Variants in STK32B observed in about 807,000 individuals in gnomAD.
STK32B encodes the protein serine/threonine kinase 32B, also known as serine/threonine-protein kinase 32B.
A neutral mutation model predicts 52.6 loss-of-function variants in STK32B; 43 were observed. That is an observed-to-expected ratio of 0.82 (90% CI 0.64 to 1.05). The LOEUF (loss-of-function observed/expected upper bound fraction) is 1.05, where lower values mean the gene tolerates loss of function less well. Among genes scored for constraint, STK32B ranks in the 50% least tolerant of loss-of-function variants. The pLI is 0.00. For missense variants in STK32B, 621 were observed against 534.6 expected (o/e 1.16, Z -1.59); for synonymous variants, 238 against 204.3 (o/e 1.17, Z -1.41).
chr4:5,324,574 G>A (rs968558975), intron 3 of STK32B, among the ~76,000 whole-genome samples: 7 of 152,148 alleles, frequency 4.6e-5, no homozygotes, highest in Admixed American at 6.5e-5. Flanking sequence ...GGTGGAGGCC[G>A]TCCTGTGCAT....
At chr4:5,196,181 C>T (rs1362911066) in intron 3 of STK32B, among the ~76,000 whole-genome samples, 1 of 152,096 alleles carries the variant, frequency 6.6e-6, no homozygotes, top group Non-Finnish European at 1.5e-5. Flanking sequence ...GTTCCACAGG[C>T]ACCTGGGATC....
intron 4 of STK32B, among the ~76,000 whole-genome samples, chr4:5,358,322 A>T (rs1734310958): frequency 6.6e-6 from 1 of 152,202 alleles, no homozygotes; most frequent in African/African-American, 2.4e-5. Context: ...GGATCCAATA[A>T]ATTAGAAACT....
At chr4:5,098,622 G>A (rs1459944020) in intron 1 of STK32B, among the ~76,000 whole-genome samples, 1 of 152,330 alleles carries the variant, frequency 6.6e-6, no homozygotes, top group East Asian at 1.9e-4. Context: ...TTCTCAAGGT[G>A]AAATCACTAC....
chr4:5,198,630 G>A (rs1329298620), intron 3 of STK32B, among the ~76,000 whole-genome samples: 4 of 152,104 alleles, frequency 2.6e-5, no homozygotes, highest in African/African-American at 4.8e-5. Flanking sequence ...TTAGGCCCAC[G>A]GCCCACATGG....
intron 2 of STK32B, chr4:5,140,305 T>A: frequency 7.6e-7 from 1 of 1,315,274 alleles, no homozygotes; most frequent in Admixed American, 2.3e-5. Flanking sequence ...TTTGTTGTTT[T>A]GGTAAGTTCA....
intron 3 of STK32B, among the ~76,000 whole-genome samples, chr4:5,186,391 T>C (rs1227475229): frequency 6.6e-6 from 1 of 152,138 alleles, no homozygotes; most frequent in African/African-American, 2.4e-5. Context: ...ATTTATGTAG[T>C]GCTGTTAAGG....
At chr4:5,301,101 G>A (rs866080839) in intron 3 of STK32B, among the ~76,000 whole-genome samples, 1 of 151,912 alleles carries the variant, frequency 6.6e-6, no homozygotes, top group African/African-American at 2.4e-5. Flanking sequence ...TCGTATGTTA[G>A]ACCAACCTTG....
rs1716944462 is a variant in STK32B at position 5,460,447 on chromosome 4, C to T, written c.909+219C>T. Among the ~76,000 whole-genome samples the T allele has an allele frequency of 6.6e-6, 1 of 152,198 alleles. No individual in the cohort carries two copies. The highest frequency in any genetic ancestry group is 2.1e-4 in the South Asian group (1 of 4,826). ...CCTTGTGGTAGGTCCTTTGGGGGTG[C>T]CAAGCCTTCTCTCTGTCACTGAATC... is the stretch of plus-strand genomic sequence containing the variant. On this transcript the variant is annotated intron_variant, in intron 9 of 11. Transcript: ENST00000282908. The surrounding 1 kb of genome is among the most constrained non-coding windows in gnomAD (Gnocchi z 4.8).
intron 1 of STK32B, among the ~76,000 whole-genome samples, chr4:5,092,848 T>G (rs1038270957): frequency 6.6e-6 from 1 of 152,160 alleles, no homozygotes; most frequent in African/African-American, 2.4e-5. Flanking sequence ...GAATTTCAAT[T>G]TGACATGCGA....
the STK32B span, among the ~76,000 whole-genome samples, chr4:5,042,834 C>A: frequency 6.6e-6 from 1 of 152,102 alleles, no homozygotes; most frequent in African/African-American, 2.4e-5. Flanking sequence ...GGGCCGGGCG[C>A]GGTGGCTCAC....
intron 2 of STK32B, among the ~76,000 whole-genome samples, chr4:5,148,044 A>G (rs1413019144): frequency 6.6e-6 from 1 of 151,864 alleles, no homozygotes; most frequent in Non-Finnish European, 1.5e-5. Context: ...TCTTTCTAGT[A>G]AGGCTTTTGA....
chr4:5,153,555 G>A (rs773359745), intron 2 of STK32B, among the ~76,000 whole-genome samples: 6 of 150,218 alleles, frequency 4.0e-5, no homozygotes, highest in Non-Finnish European at 7.4e-5. Context: ...GAACTCTCTC[G>A]ACCTGATAAA....
intron 3 of STK32B, among the ~76,000 whole-genome samples, chr4:5,241,831 G>A (rs766666784): frequency 6.6e-6 from 1 of 152,094 alleles, no homozygotes; most frequent in Non-Finnish European, 1.5e-5. Flanking sequence ...GCGGTGTTTG[G>A]TTTTTTGTCC....
intron 3 of STK32B, among the ~76,000 whole-genome samples, chr4:5,319,436 A>G (rs1400898441): frequency 6.6e-6 from 1 of 152,196 alleles, no homozygotes; most frequent in Non-Finnish European, 1.5e-5. Flanking sequence ...AAATCTGACA[A>G]GGACTTTCTC....
chr4:5,114,702 C>T (rs1404471208), intron 1 of STK32B, among the ~76,000 whole-genome samples: 2 of 152,168 alleles, frequency 1.3e-5, no homozygotes, highest in Non-Finnish European at 2.9e-5. Context: ...AACTCGCTCC[C>T]GTCTTCCAAT....
Position 5,412,543 on chromosome 4 carries a change from T to G in STK32B, c.473-4302T>G, listed in dbSNP as rs1338543120. 3.3e-5 allele frequency among the ~76,000 whole-genome samples: 5 copies of G among 152,318 alleles called. No individual in the cohort carries two copies. In the East Asian group the frequency reaches 9.7e-4, roughly 29 times the overall value. On this transcript the variant is annotated intron_variant, in intron 5 of 11. Coordinates refer to ENST00000282908, the MANE Select transcript of STK32B (RefSeq NM_018401.3). The stretch of plus-strand genomic sequence containing the variant: ...AGGAGGTAACGAGATCAGGACTGTT[T>G]GACCCAGCTCTGTAGGAGGAGAGTG...
At chr4:5,247,059 C>T (rs576424899) in intron 3 of STK32B, among the ~76,000 whole-genome samples, 2 of 152,338 alleles carry the variant, frequency 1.3e-5, no homozygotes, top group African/African-American at 2.4e-5. Flanking sequence ...GTTCTCAGAT[C>T]TCAAGCTGCA....
At chr4:5,225,854 T>A (rs1000688520) in intron 3 of STK32B, among the ~76,000 whole-genome samples, 4 of 152,232 alleles carry the variant, frequency 2.6e-5, no homozygotes, top group Non-Finnish European at 5.9e-5. Context: ...TTTTGCTTAG[T>A]AACTCTGAAA....
intron 5 of STK32B, among the ~76,000 whole-genome samples, chr4:5,407,602 G>A (rs568017743): frequency 1.3e-4 from 20 of 152,216 alleles, no homozygotes; most frequent in East Asian, 1.2e-3. Flanking sequence ...TAATCATGGC[G>A]GAAGGTGAAG....
Sources: gnomAD v4.1 joint callset for allele counts (sites outside exome capture counted in the v4.1 genomes callset) on GRCh38, gnomAD v4.1.1 for gene constraint, Gnocchi (gnomAD v3.1) non-coding constraint, MANE v1.5 for transcripts, NCBI Gene and HGNC (gene_info 2026-07-23, HGNC 2026-07-21) for gene names.